Variants in SGCZ observed in about 807,000 individuals in gnomAD.
SGCZ encodes the protein sarcoglycan zeta, also known as zeta-sarcoglycan.
Under a neutral mutation model 41.3 loss-of-function variants are expected in SGCZ, and 40 were observed. The ratio of observed to expected loss-of-function variants is 0.97; its 90% CI spans 0.75 to 1.26. The LOEUF is 1.26. Ranked by LOEUF, SGCZ falls within the 50% of genes most tolerant of loss-of-function variation. SGCZ has a pLI of 0.00. For synonymous variants in SGCZ, 206 were observed against 137.5 expected (o/e 1.50, Z -3.49); for missense variants, 552 against 369.8 (o/e 1.49, Z -4.04).
chr8:14,535,012 C>A (rs1803252101), intron 2 of SGCZ, among the ~76,000 whole-genome samples: 1 of 151,874 alleles, frequency 6.6e-6, no homozygotes, highest in South Asian at 2.1e-4. Context: ...TTTGCTTAAT[C>A]ATATTCTGTG....
At chr8:14,552,526 TA>T (rs1314452436) in intron 2 of SGCZ, among the ~76,000 whole-genome samples, 1 of 152,038 alleles carries the variant, frequency 6.6e-6, no homozygotes, top group African/African-American at 2.4e-5. Context: ...AAGGAAAACG[TA>T]AAAAAATAAA....
chr8:15,165,344 G>T (rs1466395519), intron 1 of SGCZ, among the ~76,000 whole-genome samples: 1 of 152,132 alleles, frequency 6.6e-6, no homozygotes, highest in African/African-American at 2.4e-5. Context: ...AAAAGCTGTG[G>T]AACCTTTCAG....
chr8:14,458,030 A>G (rs887794524), intron 2 of SGCZ, among the ~76,000 whole-genome samples: 5 of 152,092 alleles, frequency 3.3e-5, no homozygotes, highest in Middle Eastern at 3.2e-3. Flanking sequence ...CTGTAGAACC[A>G]TGGGTCAATC....
intron 1 of SGCZ, among the ~76,000 whole-genome samples, chr8:14,890,713 C>A (rs1398907093): frequency 6.6e-6 from 1 of 152,144 alleles, no homozygotes; most frequent in Non-Finnish European, 1.5e-5. Context: ...ATGAAATTGC[C>A]TTCCATTGGT....
At position 14,192,826 on chromosome 8, in the gene SGCZ, T is replaced by G. The variant is rs370873023; in HGVS notation, c.425-28124A>C. 4.6e-5 allele frequency among the ~76,000 whole-genome samples: 7 copies of G among 152,226 alleles called. No homozygotes were observed. In the South Asian group the frequency reaches 8.3e-4, roughly 18 times the overall value. On this transcript the variant is annotated intron_variant, in intron 4 of 7. Transcript: ENST00000382080. ...TTTCATTTGCAAAATTAAATTATTA[T>G]GGAGACCAGCCTGAAATAATGTAAT...
At position 15,193,881 on chromosome 8, in the gene SGCZ, G is replaced by C. The variant is rs187486626; in HGVS notation, c.39+43704C>G. Among the ~76,000 whole-genome samples the C allele has an allele frequency of 2.1e-3, 324 of 152,184 alleles. 2 individuals are homozygous for C. Among genetic ancestry groups the C allele is most frequent in the Admixed American group, 0.019 (286 of 15,274 alleles). ...CATTTATAACCAGGGACCTCATTTT[G>C]AGGCAAAATACGAGCAATTGCCTTC... On this transcript the variant is annotated intron_variant, in intron 1 of 7. Coordinates refer to ENST00000382080, the MANE Select transcript of SGCZ (RefSeq NM_139167.4).
intron 3 of SGCZ, among the ~76,000 whole-genome samples, chr8:14,246,633 C>T (rs1407942286): frequency 1.3e-5 from 2 of 151,336 alleles, no homozygotes; most frequent in South Asian, 2.1e-4. Context: ...AAAAGCTGGG[C>T]ATGGCGGCTG....
intron 1 of SGCZ, among the ~76,000 whole-genome samples, chr8:15,116,302 G>T (rs1297866226): frequency 6.6e-6 from 1 of 152,120 alleles, no homozygotes; most frequent in Non-Finnish European, 1.5e-5. Flanking sequence ...CTGACAATTA[G>T]TTGACATCAA....
At chr8:14,330,366 G>C (rs1168952135) in intron 2 of SGCZ, among the ~76,000 whole-genome samples, 2 of 152,012 alleles carry the variant, frequency 1.3e-5, no homozygotes, top group Non-Finnish European at 2.9e-5. Flanking sequence ...TAATATGCTT[G>C]TGAAGATCAC....
At chr8:14,884,649 A>C (rs1244484854) in intron 1 of SGCZ, among the ~76,000 whole-genome samples, 2 of 152,130 alleles carry the variant, frequency 1.3e-5, no homozygotes, top group Non-Finnish European at 2.9e-5. Flanking sequence ...AGATCTCCTA[A>C]GTGTATATGG....
At chr8:15,116,426 C>A (rs1563134741) in intron 1 of SGCZ, among the ~76,000 whole-genome samples, 1 of 152,036 alleles carries the variant, frequency 6.6e-6, no homozygotes, top group African/African-American at 2.4e-5. Flanking sequence ...GTATTCCATA[C>A]TCAATATATC....
At chr8:15,108,975 T>G in intron 1 of SGCZ, among the ~76,000 whole-genome samples, 1 of 152,126 alleles carries the variant, frequency 6.6e-6, no homozygotes, top group Non-Finnish European at 1.5e-5. Context: ...TAGAATGAAA[T>G]TGGGTTTCAA....
intron 1 of SGCZ, among the ~76,000 whole-genome samples, chr8:15,169,908 T>A (rs2117060290): frequency 6.6e-6 from 1 of 152,334 alleles, no homozygotes; most frequent in Admixed American, 6.5e-5. Flanking sequence ...AGTATCTTAG[T>A]TGGCATTAAC....
At chr8:14,534,580 A>C (rs368324100) in intron 2 of SGCZ, among the ~76,000 whole-genome samples, 1 of 151,990 alleles carries the variant, frequency 6.6e-6, no homozygotes, top group African/African-American at 2.4e-5. Flanking sequence ...TGAGGTGCTC[A>C]TGATCTGGGA....
At chr8:15,094,612 T>C (rs1440497548) in intron 1 of SGCZ, among the ~76,000 whole-genome samples, 1 of 152,214 alleles carries the variant, frequency 6.6e-6, no homozygotes, top group African/African-American at 2.4e-5. Context: ...GAAGTGTCTC[T>C]GGAGCCCAGT....
intron 1 of SGCZ, among the ~76,000 whole-genome samples, chr8:14,790,275 C>T (rs1308791497): frequency 6.6e-6 from 1 of 152,104 alleles, no homozygotes; most frequent in Non-Finnish European, 1.5e-5. Flanking sequence ...ATTGAACTTT[C>T]TTGTAATCAA....
intron 1 of SGCZ, among the ~76,000 whole-genome samples, chr8:15,053,447 G>A (rs17608908): frequency 0.076 from 11,541 of 152,106 alleles, 634 homozygotes; most frequent in East Asian, 0.26. Context: ...TCTGTTCCAT[G>A]TTACCTCCTG....
intron 1 of SGCZ, among the ~76,000 whole-genome samples, chr8:14,558,009 C>CAGAA (rs1226747489): frequency 1.3e-5 from 2 of 152,072 alleles, no homozygotes; most frequent in Admixed American, 6.6e-5. Flanking sequence ...CACAGAAATA[C>CAGAA]AGAAGATCAT....
At chr8:14,478,253 C>A (rs565681394) in intron 2 of SGCZ, among the ~76,000 whole-genome samples, 1 of 152,334 alleles carries the variant, frequency 6.6e-6, no homozygotes, top group South Asian at 2.1e-4. Flanking sequence ...ATGTTTATAG[C>A]AGCTTTATTT....
Sources: gnomAD v4.1 joint callset for allele counts (sites outside exome capture counted in the v4.1 genomes callset) on GRCh38, gnomAD v4.1.1 for gene constraint, MANE v1.5 for transcripts, NCBI Gene and HGNC (gene_info 2026-07-23, HGNC 2026-07-21) for gene names.